Variants in RBFOX1 observed in about 807,000 individuals in gnomAD.
RBFOX1 encodes RNA binding fox-1 homolog 1, also known as RNA binding protein fox-1 homolog 1.
Under a neutral mutation model 57.7 loss-of-function variants are expected in RBFOX1, and 8 were observed. The ratio of observed to expected loss-of-function variants is 0.14; its 90% CI spans 0.08 to 0.25. The LOEUF (loss-of-function observed/expected upper bound fraction) is 0.25. Ranked by LOEUF, RBFOX1 falls within the 10% of genes least tolerant of loss-of-function variation. The pLI is 1.00. For missense variants in RBFOX1, 611 were observed against 548.5 expected (o/e 1.11, Z -1.14); for synonymous variants, 326 against 222.4 (o/e 1.47, Z -4.15).
At chr16:6,850,240 G>T (rs1019911210) in intron 3 of RBFOX1, among the ~76,000 whole-genome samples, 4 of 152,168 alleles carry the variant, frequency 2.6e-5, no homozygotes, top group African/African-American at 9.7e-5. Flanking sequence ...GGGGCGTAAA[G>T]TGTAGTGTGA....
chr16:6,242,141 A>G (rs989642197), intron 1 of RBFOX1, among the ~76,000 whole-genome samples: 8 of 152,200 alleles, frequency 5.3e-5, no homozygotes, highest in Admixed American at 6.5e-5. Context: ...AAGTCCTGAT[A>G]GGTGCATCTT....
chr16:6,749,068 G>A (rs183467504), intron 3 of RBFOX1: 2 of 152,166 alleles, frequency 1.3e-5, no homozygotes, highest in African/African-American at 2.4e-5. Context: ...TAAAATGACT[G>A]ATATTTCTGT....
intron 1 of RBFOX1, among the ~76,000 whole-genome samples, chr16:5,399,719 G>C (rs987163193): frequency 2.6e-5 from 4 of 151,212 alleles, no homozygotes; most frequent in African/African-American, 9.8e-5. Context: ...CTGGGTGACA[G>C]TGAGACCCTG....
intron 3 of RBFOX1, among the ~76,000 whole-genome samples, chr16:5,609,284 C>G (rs2047692488): frequency 6.6e-6 from 1 of 152,278 alleles, no homozygotes; most frequent in East Asian, 1.9e-4. Flanking sequence ...GAAAGGAGAG[C>G]TGTATTTTAA....
At chr16:6,601,530 C>G (rs1000737703) in intron 2 of RBFOX1, among the ~76,000 whole-genome samples, 2 of 152,118 alleles carry the variant, frequency 1.3e-5, no homozygotes, top group East Asian at 1.9e-4. Flanking sequence ...CCATTCTACT[C>G]ATAGTTTTGC....
At chr16:5,358,940 C>T (rs532233622) in intron 1 of RBFOX1, among the ~76,000 whole-genome samples, 2 of 152,298 alleles carry the variant, frequency 1.3e-5, no homozygotes, top group South Asian at 2.1e-4. Context: ...CATTATTCCT[C>T]CCCACCTCTC....
chr16:5,858,963 C>G (rs1412066839), intron 3 of RBFOX1, among the ~76,000 whole-genome samples: 1 of 152,134 alleles, frequency 6.6e-6, no homozygotes, highest in African/African-American at 2.4e-5. Flanking sequence ...GCCTGTAATC[C>G]CAGCCCTTTG....
At chr16:7,145,775 G>A (rs1210104291) in intron 4 of RBFOX1, among the ~76,000 whole-genome samples, 2 of 152,114 alleles carry the variant, frequency 1.3e-5, no homozygotes, top group African/African-American at 4.8e-5. Context: ...TAAAAATCAT[G>A]TATGAGTCTC....
chr16:6,256,281 ATGTGTG>A (rs796911440), intron 1 of RBFOX1, among the ~76,000 whole-genome samples: 28 of 120,064 alleles, frequency 2.3e-4, no homozygotes, highest in African/African-American at 1.1e-3. Flanking sequence ...GTATATATAT[ATGTGTG>A]TATATATATA....
At chr16:7,506,365 A>G (rs530647071) in intron 4 of RBFOX1, among the ~76,000 whole-genome samples, 30 of 152,142 alleles carry the variant, frequency 2.0e-4, no homozygotes, top group Non-Finnish European at 4.0e-4. Flanking sequence ...TTGTGTGAGC[A>G]TGAGCAAGTA....
At chr16:5,423,996 A>G (rs2067435150) in intron 1 of RBFOX1, among the ~76,000 whole-genome samples, 2 of 152,170 alleles carry the variant, frequency 1.3e-5, no homozygotes, top group Non-Finnish European at 2.9e-5. Context: ...TTTCTCAGCA[A>G]TCTAAGGATA....
At chr16:5,449,387 C>A (rs979068631) in intron 1 of RBFOX1, among the ~76,000 whole-genome samples, 10 of 152,180 alleles carry the variant, frequency 6.6e-5, no homozygotes, top group Admixed American at 2.0e-4. Flanking sequence ...GTGCTTCTTT[C>A]CTTCACAGTA....
At chr16:7,321,854 G>T (rs1603620424) in intron 4 of RBFOX1, among the ~76,000 whole-genome samples, 1 of 152,274 alleles carries the variant, frequency 6.6e-6, no homozygotes, top group East Asian at 1.9e-4. Context: ...CCTGTCAGAG[G>T]CTCTCTGTTG....
At chr16:6,249,926 T>TC (rs1485383113) in intron 1 of RBFOX1, among the ~76,000 whole-genome samples, 1 of 151,418 alleles carries the variant, frequency 6.6e-6, no homozygotes, top group Admixed American at 6.6e-5. Context: ...CCCTCCCCAC[T>TC]CCCCCTACCC....
At chr16:5,894,251 C>G (rs905135097) in intron 4 of RBFOX1, among the ~76,000 whole-genome samples, 3 of 152,160 alleles carry the variant, frequency 2.0e-5, no homozygotes, top group East Asian at 3.9e-4. Context: ...CTCGTAGAAT[C>G]AAACATAATT....
chr16:5,919,316 G>A (rs992677470), intron 4 of RBFOX1, among the ~76,000 whole-genome samples: 22 of 152,134 alleles, frequency 1.4e-4, no homozygotes, highest in African/African-American at 3.1e-4. Flanking sequence ...AAAGTGAAAC[G>A]CAGAGCTGTT....
intron 10 of RBFOX1, among the ~76,000 whole-genome samples, chr16:7,626,279 G>C (rs11077208): frequency 0.59 from 89,983 of 152,108 alleles, 27,786 homozygotes; most frequent in African/African-American, 0.78. Context: ...CTAGGCTTGT[G>C]CCTGCCCCTT....
chr16:5,517,136 G>T (rs954638150), intron 2 of RBFOX1, among the ~76,000 whole-genome samples: 3 of 152,110 alleles, frequency 2.0e-5, no homozygotes, highest in Non-Finnish European at 2.9e-5. Flanking sequence ...TCAGAAAGAG[G>T]ATGCTGCTGT....
chr16:6,598,939 C>G (rs1024461027), intron 2 of RBFOX1, among the ~76,000 whole-genome samples: 1 of 136,858 alleles, frequency 7.3e-6, no homozygotes, highest in Non-Finnish European at 1.7e-5. Context: ...GAGCAAGACT[C>G]CATGTTAAAA....
Sources: gnomAD v4.1 joint callset for allele counts (sites outside exome capture counted in the v4.1 genomes callset) on GRCh38, gnomAD v4.1.1 for gene constraint, MANE v1.5 for transcripts, NCBI Gene and HGNC (gene_info 2026-07-23, HGNC 2026-07-21) for gene names.